Variants in EPM2A observed in about 807,000 individuals in gnomAD.
EPM2A encodes EPM2A glucan phosphatase, laforin.
In EPM2A, 21 loss-of-function variants were observed where a neutral mutation model predicts 26.5. The observed-to-expected ratio is 0.79, with a 90% CI of 0.56 to 1.14. EPM2A has a LOEUF of 1.14. Ranked by LOEUF, EPM2A falls within the 50% of genes most tolerant of loss-of-function variation. The pLI, the probability that EPM2A is intolerant of heterozygous loss-of-function variation, is 0.00. For missense variants in EPM2A, 458 were observed against 440.8 expected, an observed-to-expected ratio of 1.04 and a Z score of -0.35; for synonymous variants, 217 against 177.6, an observed-to-expected ratio of 1.22 and a Z score of -1.76.
At chr6:145,449,630 A>G (rs1184091531) in intron 4 of EPM2A, among the ~76,000 whole-genome samples, 1 of 152,244 alleles carries the variant, frequency 6.6e-6, no homozygotes, top group African/African-American at 2.4e-5. Flanking sequence ...CTGGCTAATT[A>G]GCACTTGAGC....
At chr6:145,503,044 A>G (rs1269409596) in intron 2 of EPM2A, among the ~76,000 whole-genome samples, 1 of 152,260 alleles carries the variant, frequency 6.6e-6, no homozygotes, top group Non-Finnish European at 1.5e-5. Context: ...TTCCATAACC[A>G]GCATAGCACA....
At chr6:145,640,981 G>GT (rs1210184010) in intron 2 of EPM2A, 1 of 152,122 alleles carries the variant, frequency 6.6e-6, no homozygotes, top group Non-Finnish European at 1.5e-5. Flanking sequence ...TTTTATTATA[G>GT]TTTTTTATGA....
chr6:145,586,859 T>C (rs1781201945), intron 2 of EPM2A, among the ~76,000 whole-genome samples: 1 of 152,196 alleles, frequency 6.6e-6, no homozygotes. Context: ...CCTCACATGA[T>C]TTCTGATGGT....
intron 4 of EPM2A, among the ~76,000 whole-genome samples, chr6:145,397,485 G>C (rs964497361): frequency 6.6e-6 from 1 of 152,058 alleles, no homozygotes; most frequent in Non-Finnish European, 1.5e-5. Context: ...GTTATTGGTT[G>C]GTCTACGCCT....
chr6:145,499,177 G>A (rs1233374136), downstream of EPM2A, among the ~76,000 whole-genome samples: 1 of 152,120 alleles, frequency 6.6e-6, no homozygotes, highest in Non-Finnish European at 1.5e-5. Context: ...CACTCAAGAT[G>A]AAGAAAAAAA....
intron 4 of EPM2A, among the ~76,000 whole-genome samples, chr6:145,418,810 A>C (rs1022553012): frequency 6.6e-6 from 1 of 152,184 alleles, no homozygotes; most frequent in African/African-American, 2.4e-5. Flanking sequence ...TTCATTCCTG[A>C]AGGTGAGTGC....
At chr6:145,508,150 T>C (rs1780005004) in intron 2 of EPM2A, among the ~76,000 whole-genome samples, 1 of 152,136 alleles carries the variant, frequency 6.6e-6, no homozygotes, top group African/African-American at 2.4e-5. Flanking sequence ...ACCCCCAGCT[T>C]TCTTCTTCAG....
At chr6:145,657,778 A>T (rs1243493600) in intron 2 of EPM2A, among the ~76,000 whole-genome samples, 1 of 152,218 alleles carries the variant, frequency 6.6e-6, no homozygotes, top group African/African-American at 2.4e-5. Flanking sequence ...TTTAAGGAAC[A>T]ATTTCAAGTT....
chr6:145,643,995 G>T (rs1467229137), intron 2 of EPM2A, among the ~76,000 whole-genome samples: 1 of 152,182 alleles, frequency 6.6e-6, no homozygotes, highest in African/African-American at 2.4e-5. Context: ...GAGTCTGCAT[G>T]TTCACGAGCT....
chr6:145,396,694 C>T (rs1388604712), intron 4 of EPM2A, among the ~76,000 whole-genome samples: 1 of 152,192 alleles, frequency 6.6e-6, no homozygotes, highest in Non-Finnish European at 1.5e-5. Context: ...TCCAAGTTAA[C>T]TTTCACTTCC....
chr6:145,704,835 C>T (rs1782123762), intron 1 of EPM2A, among the ~76,000 whole-genome samples: 1 of 152,148 alleles, frequency 6.6e-6, no homozygotes, highest in Non-Finnish European at 1.5e-5. Flanking sequence ...TTTAAAATTC[C>T]TTTGAGATTT....
downstream of EPM2A, among the ~76,000 whole-genome samples, chr6:145,623,089 G>A (rs188869271): frequency 1.1e-4 from 16 of 152,262 alleles, no homozygotes; most frequent in East Asian, 1.9e-4. Flanking sequence ...GCTCTCAATG[G>A]TTATTAGCTA....
At chr6:145,614,239 C>G (rs973667475) in intron 2 of EPM2A, among the ~76,000 whole-genome samples, 4 of 152,230 alleles carry the variant, frequency 2.6e-5, no homozygotes, top group Non-Finnish European at 4.4e-5. Flanking sequence ...CCTCGCCTTT[C>G]TCAGCCATCA....
At chr6:145,697,745 A>G (rs7756778) in intron 1 of EPM2A, among the ~76,000 whole-genome samples, 87,747 of 152,000 alleles carry the variant, frequency 0.58, 25,520 homozygotes, top group African/African-American at 0.63. Flanking sequence ...TGTTCCGCCC[A>G]GCTCACTGGC....
intron 2 of EPM2A, among the ~76,000 whole-genome samples, chr6:145,568,375 A>AGTGGC (rs1391803727): frequency 1.3e-5 from 2 of 150,014 alleles, no homozygotes; most frequent in African/African-American, 4.9e-5. Flanking sequence ...GCTGGAGTGC[A>AGTGGC]GTGGCATGAT....
chr6:145,735,099 C>G (rs982384378), intron 1 of EPM2A, 99 bp downstream of exon 1: 2 of 816,566 alleles, frequency 2.4e-6, no homozygotes, highest in Non-Finnish European at 3.4e-6. Flanking sequence ...GGACGCGCGC[C>G]GCCGGGGCCT....
At chr6:145,535,597 CACTG>C (rs1780420544) in intron 2 of EPM2A, among the ~76,000 whole-genome samples, 1 of 152,146 alleles carries the variant, frequency 6.6e-6, no homozygotes, top group Non-Finnish European at 1.5e-5. Context: ...AGCTTTGCAG[CACTG>C]ACTGTCAGAG....
rs1261789950 is a variant in EPM2A, at chr6:145,504,430, C to T, written c.341-1855G>A. 5.1e-5 allele frequency among the ~76,000 whole-genome samples: 7 copies of T among 136,304 alleles called. No individual in the cohort carries two copies. In the East Asian group the frequency reaches 1.5e-3, roughly 30 times the overall value. 89.4% of individuals were successfully genotyped at this position (136,304 alleles called of 152,430 possible). ...ACAAGCAACCCCATCAAAAAGTGGG[C>T]AAAGGACATGAACAGACACTTCTCA... On this transcript the variant is annotated intron_variant, in intron 2 of 3. Transcript: ENST00000450221.
At chr6:145,554,840 C>A (rs957163753) in intron 2 of EPM2A, among the ~76,000 whole-genome samples, 2 of 152,042 alleles carry the variant, frequency 1.3e-5, no homozygotes, top group African/African-American at 4.8e-5. Flanking sequence ...TAGGAGCTGG[C>A]AAGTCAGTCT....
Sources: allele counts gnomAD v4.1 joint callset (sites outside exome capture counted in the v4.1 genomes callset), GRCh38; gene constraint gnomAD v4.1.1; transcripts MANE v1.5; gene names NCBI Gene and HGNC (gene_info 2026-07-23, HGNC 2026-07-21).